Variants in EVA1A observed in about 807,000 individuals in gnomAD.
The protein encoded by EVA1A is protein eva-1 homolog A.
A neutral mutation model predicts 9.8 loss-of-function variants in EVA1A; 7 were observed. The observed-to-expected ratio is 0.71, with a 90% CI of 0.41 to 1.34. The LOEUF (loss-of-function observed/expected upper bound fraction) is 1.34. Ranked by LOEUF, EVA1A falls within the 40% of genes most tolerant of loss-of-function variation. The pLI is 0.01. For missense variants in EVA1A, 206 were observed against 205.9 expected (o/e 1.00, Z 0.00); for synonymous variants, 90 against 85.6 (o/e 1.05, Z -0.28).
intron 1 of EVA1A, among the ~76,000 whole-genome samples, chr2:75,559,701 G>GGA (rs1349790549): frequency 2.5e-4 from 35 of 137,272 alleles, no homozygotes; most frequent in African/African-American, 9.3e-4. Context: ...AGGAGGTGGG[G>GGA]GGGGGGCGGG....
intron 3 of EVA1A, among the ~76,000 whole-genome samples, chr2:75,496,431 A>G (rs1379597097): frequency 4.6e-5 from 7 of 152,224 alleles, no homozygotes; most frequent in African/African-American, 1.7e-4. Flanking sequence ...TTTCATTTAC[A>G]ATTGCCACAA....
At chr2:75,525,807 G>A (rs536632072) in intron 1 of EVA1A, among the ~76,000 whole-genome samples, 192 of 152,326 alleles carry the variant, frequency 1.3e-3, no homozygotes, top group African/African-American at 3.9e-3. Flanking sequence ...GACTTACGTG[G>A]TGGTGGCCAC....
chr2:75,493,411 A>G lies in EVA1A; in HGVS notation c.284T>C (p.Leu95Pro). 2 of 1,614,240 alleles carry G rather than the reference A, an allele frequency of 1.2e-6. No individual in the cohort carries two copies. Among genetic ancestry groups the G allele is most frequent in the Non-Finnish European group, 1.7e-6 (2 of 1,180,048 alleles). ...GAAGCGGCGGTGTCTCCGCACGGAG[A>G]GATCGGACACGGTGTCCTCACTGCC... The part of the protein sequence containing the change: ...EDGSEDTVSD[L>P]SVRRHRRFER... Residue 95 changes from leucine (L) to proline (P), a missense_variant, in exon 4 of 4, where the codon CTC becomes CCC. Physicochemically the swap from Leu to Pro is moderately conservative, Grantham distance 98. Coordinates refer to ENST00000393913, the MANE Select transcript of EVA1A (RefSeq NM_001135032.2).
At chr2:75,539,938 C>A (rs932826320) in intron 1 of EVA1A, among the ~76,000 whole-genome samples, 1 of 152,124 alleles carries the variant, frequency 6.6e-6, no homozygotes, top group Non-Finnish European at 1.5e-5. Context: ...GAACCAGGAA[C>A]CATGGAGGAC....
intron 1 of EVA1A, among the ~76,000 whole-genome samples, chr2:75,559,702 G>GGT (rs1426636163): frequency 7.3e-6 from 1 of 136,504 alleles, no homozygotes; most frequent in South Asian, 2.8e-4. Context: ...GGAGGTGGGG[G>GGT]GGGGGCGGGG....
chr2:75,518,957 A>G, intron 2 of EVA1A: 1 of 740,938 alleles, frequency 1.3e-6, no homozygotes, highest in Non-Finnish European at 1.6e-6. Flanking sequence ...TAGCTCCATG[A>G]CTCCACCTGT....
intron 1 of EVA1A, among the ~76,000 whole-genome samples, chr2:75,534,069 C>T (rs1675784227): frequency 6.6e-6 from 1 of 151,980 alleles, no homozygotes; most frequent in Non-Finnish European, 1.5e-5. Context: ...ACCTCAGCCT[C>T]CCAATAATTT....
At chr2:75,555,179 G>A (rs1370826481) in intron 1 of EVA1A, among the ~76,000 whole-genome samples, 1 of 152,106 alleles carries the variant, frequency 6.6e-6, no homozygotes, top group African/African-American at 2.4e-5. Flanking sequence ...AATGGCTTTG[G>A]GCTCAAAGAA....
Position 75,549,079 on chromosome 2 carries a change from T to C in EVA1A, c.-192+11601A>G, listed in dbSNP as rs182032660. 6.6e-3 allele frequency among the ~76,000 whole-genome samples: 1,000 copies of C among 151,264 alleles called. 8 individuals carry two copies. The highest frequency in any genetic ancestry group is 0.01 in the Middle Eastern group (3 of 286). ...CTAAGGTATCACAGCTGTTGCTTTA[T>C]GGGCACACAGTGTACTGCCTCCCAA... On this transcript the variant is annotated intron_variant, in intron 1 of 3. Transcript: ENST00000393913.
chr2:75,532,016 C>T (rs1572972689), intron 1 of EVA1A, among the ~76,000 whole-genome samples: 1 of 151,722 alleles, frequency 6.6e-6, no homozygotes, highest in East Asian at 1.9e-4. Context: ...AAAAATTAGC[C>T]GGGTGTGGTG....
intron 3 of EVA1A, among the ~76,000 whole-genome samples, chr2:75,509,681 C>A (rs10175841): frequency 0.19 from 28,385 of 151,926 alleles, 3,030 homozygotes; most frequent in African/African-American, 0.28. Flanking sequence ...ATGTGCTCTG[C>A]GGATCTGTAC....
At chr2:75,529,673 T>C (rs1013868127) in intron 1 of EVA1A, among the ~76,000 whole-genome samples, 6 of 152,312 alleles carry the variant, frequency 3.9e-5, no homozygotes, top group Middle Eastern at 3.4e-3. Context: ...GAAATAAAGA[T>C]GGAAATTTAA....
intron 3 of EVA1A, among the ~76,000 whole-genome samples, chr2:75,507,768 C>T (rs2103809967): frequency 6.6e-6 from 1 of 152,278 alleles, no homozygotes; most frequent in Non-Finnish European, 1.5e-5. Flanking sequence ...GAATGGCTGC[C>T]TCATCCCTCC....
At chr2:75,518,492 C>A (rs989365282) in intron 2 of EVA1A, 1 of 658,294 alleles carries the variant, frequency 1.5e-6, no homozygotes, top group Non-Finnish European at 1.9e-6. Flanking sequence ...GCCAGTGGGG[C>A]CACAAAGATT....
At chr2:75,537,894 G>A (rs1261554298) in intron 1 of EVA1A, among the ~76,000 whole-genome samples, 1 of 152,188 alleles carries the variant, frequency 6.6e-6, no homozygotes, top group African/African-American at 2.4e-5. Flanking sequence ...CTGATGCTAT[G>A]CTTGTACAGT....
intron 3 of EVA1A, among the ~76,000 whole-genome samples, chr2:75,500,330 C>T (rs542863903): frequency 8.5e-5 from 13 of 152,116 alleles, no homozygotes; most frequent in South Asian, 2.1e-4. Context: ...TTTTGGCATA[C>T]GATGAAAACT....
rs867878718 is a variant in EVA1A at position 75,549,015 on chromosome 2, T to A, written c.-192+11665A>T. 3.9e-3 allele frequency among the ~76,000 whole-genome samples: 562 copies of A among 144,732 alleles called. 3 individuals are homozygous for A. The highest frequency in any genetic ancestry group is 0.014 in the African/African-American group (527 of 38,396). 94.9% of individuals were successfully genotyped at this position (144,732 alleles called of 152,430 possible). On this transcript the variant is annotated intron_variant, in intron 1 of 3. Transcript: ENST00000393913. ...ATATATATATATATATATATTTTTTTTTTTTTTACTAATAAATCAAATACA... is the reference window on the plus strand; with the variant it reads ...ATATATATATATATATATATTTTTTATTTTTTTACTAATAAATCAAATACA...
At chr2:75,549,124 C>G (rs1046912040) in intron 1 of EVA1A, among the ~76,000 whole-genome samples, 1 of 151,754 alleles carries the variant, frequency 6.6e-6, no homozygotes, top group African/African-American at 2.4e-5. Flanking sequence ...CACCCTGCCA[C>G]AATCCAGAAG....
intron 3 of EVA1A, among the ~76,000 whole-genome samples, chr2:75,509,545 C>G (rs1674738363): frequency 6.6e-6 from 1 of 152,042 alleles, no homozygotes; most frequent in Non-Finnish European, 1.5e-5. Context: ...TTATTGTTAA[C>G]CAAATGCTCC....
Sources: allele counts gnomAD v4.1 joint callset (sites outside exome capture counted in the v4.1 genomes callset), GRCh38; gene constraint gnomAD v4.1.1; transcripts MANE v1.5; gene names NCBI Gene and HGNC (gene_info 2026-07-23, HGNC 2026-07-21).